The following CARF variants were observed in gnomAD, a reference collection of about 807,000 sequenced individuals.
CARF encodes calcium responsive transcription factor, also known as calcium-responsive transcription factor.
CARF carries 57 observed loss-of-function variants against 82.0 expected under a neutral mutation model. The observed-to-expected ratio is 0.70, with a 90% confidence interval of 0.56 to 0.87. CARF has a LOEUF of 0.87. Ranked by LOEUF, CARF falls within the 40% of genes least tolerant of loss-of-function variation. The probability of loss-of-function intolerance (pLI) is 0.00; values close to 1 mark genes in which losing one functional copy is unlikely to be tolerated. For missense variants in CARF, 771 were observed against 855.8 expected (o/e 0.90, Z 1.24); for synonymous variants, 268 against 290.1 (o/e 0.92, Z 0.77).
chr2:202,920,203 G>T (rs1291337756), intron 2 of CARF, among the ~76,000 whole-genome samples: 3 of 148,000 alleles, frequency 2.0e-5, no homozygotes, highest in Non-Finnish European at 3.0e-5. Flanking sequence ...CGCCCAGGCT[G>T]GAGTGCAGTA....
rs139042230 is a variant in CARF at position 202,933,451 on chromosome 2, G to A, written c.-43-8409G>A. 5.7e-3 allele frequency among the ~76,000 whole-genome samples: 870 copies of A among 152,270 alleles called. 10 individuals carry two copies. Among genetic ancestry groups the A allele is most frequent in the African/African-American group, 0.02 (814 of 41,554 alleles). ...CCAGAGAGCTTCCTCAGCTGGGCTT[G>A]GTGCCTGTGAAGACTGCAGGGAACC... is the stretch of plus-strand genomic sequence containing the variant. On this transcript the variant is annotated intron_variant, in intron 3 of 16. Coordinates refer to ENST00000438828, the MANE Select transcript of CARF (RefSeq NM_024744.17).
chr2:202,917,001 G>C (rs1689800819), intron 1 of CARF, among the ~76,000 whole-genome samples: 1 of 152,022 alleles, frequency 6.6e-6, no homozygotes, highest in African/African-American at 2.4e-5. Flanking sequence ...ACGAAGTCAG[G>C]AGATCGAGAC....
chr2:202,966,911 C>T (rs1266891859), intron 9 of CARF, 67 bp from the exon 10 acceptor site: 1 of 1,490,304 alleles, frequency 6.7e-7, no homozygotes, highest in African/African-American at 1.4e-5. Flanking sequence ...CACCAAGTTA[C>T]TTTTAATCTA....
At chr2:202,972,777 T>G (rs914926349) in intron 12 of CARF, among the ~76,000 whole-genome samples, 1 of 152,006 alleles carries the variant, frequency 6.6e-6, no homozygotes, top group African/African-American at 2.4e-5. Context: ...AGCCTTGCTC[T>G]TACTGATTAT....
chr2:202,977,025 A>G (rs1245715570), intron 13 of CARF, among the ~76,000 whole-genome samples: 1 of 151,906 alleles, frequency 6.6e-6, no homozygotes, highest in Non-Finnish European at 1.5e-5. Context: ...ATTATTCACT[A>G]TCTAAATGTT....
intron 1 of CARF, among the ~76,000 whole-genome samples, chr2:202,917,047 G>A (rs1206213394): frequency 2.6e-5 from 4 of 151,448 alleles, no homozygotes; most frequent in Non-Finnish European, 5.9e-5. Context: ...TGTCTCTACT[G>A]AAAATACAAA....
chr2:202,960,207 C>A (rs2059243801), intron 8 of CARF, among the ~76,000 whole-genome samples: 1 of 152,072 alleles, frequency 6.6e-6, no homozygotes, highest in Admixed American at 6.6e-5. Context: ...AAACCATTAA[C>A]TATTTTTGGT....
chr2:202,914,921 A>AT (rs927955721), intron 1 of CARF, among the ~76,000 whole-genome samples: 5 of 151,626 alleles, frequency 3.3e-5, no homozygotes, highest in African/African-American at 9.7e-5. Flanking sequence ...CCAGCCTTAG[A>AT]TTTTTTTTCC....
intron 5 of CARF, among the ~76,000 whole-genome samples, chr2:202,951,039 A>AT (rs1161300733): frequency 1.3e-5 from 2 of 151,710 alleles, no homozygotes; most frequent in African/African-American, 4.8e-5. Flanking sequence ...TTATATTTGC[A>AT]TTTTTTCAAA....
At chr2:202,931,824 T>C (rs147819845) in intron 3 of CARF, among the ~76,000 whole-genome samples, 11 of 151,730 alleles carry the variant, frequency 7.2e-5, no homozygotes, top group African/African-American at 1.9e-4. Flanking sequence ...TTAACCAAGA[T>C]GTCAGGTCTG....
In CARF at chr2:202,912,741, G is replaced by C. The variant is rs977532137; in HGVS notation, c.-691G>C. 3 of 151,344 alleles carry C rather than the reference G, an allele frequency of 2.0e-5. No homozygotes were observed. The highest frequency in any genetic ancestry group is 6.6e-5 in the Admixed American group (1 of 15,216). The allele number at this position is 151,344 out of a possible 1,614,324, so 9.4% of individuals were successfully genotyped here. On this transcript the variant is annotated 5_prime_UTR_variant, in exon 1 of 17. Coordinates refer to ENST00000438828, the MANE Select transcript of CARF (RefSeq NM_024744.17). ...AGCCCAAGGACGCGCCATCGCCGCG[G>C]AGAAGGAGCCGGACCCCTTGGGCGG...
At chr2:202,974,031 T>A (rs1344099318) in intron 12 of CARF, among the ~76,000 whole-genome samples, 1 of 151,606 alleles carries the variant, frequency 6.6e-6, no homozygotes, top group Non-Finnish European at 1.5e-5. Flanking sequence ...GAGGTTGCAG[T>A]GAGCCGAGAT....
chr2:202,919,367 A>G (rs962492040), intron 2 of CARF, among the ~76,000 whole-genome samples: 1 of 152,182 alleles, frequency 6.6e-6, no homozygotes, highest in Non-Finnish European at 1.5e-5. Flanking sequence ...AAAAAAATAA[A>G]ATTAGGCTAG....
intron 13 of CARF, among the ~76,000 whole-genome samples, chr2:202,976,363 C>T (rs1043625906): frequency 2.0e-5 from 3 of 151,762 alleles, no homozygotes; most frequent in Non-Finnish European, 2.9e-5. Context: ...TTATTAGAGA[C>T]GGGTTTCACC....
At chr2:202,946,006 T>A (rs1317767179) in intron 5 of CARF, among the ~76,000 whole-genome samples, 1 of 152,206 alleles carries the variant, frequency 6.6e-6, no homozygotes, top group Non-Finnish European at 1.5e-5. Context: ...ATGGCCATTC[T>A]GACTGGTGTG....
chr2:202,966,709 CAAA>C (rs928485283), intron 9 of CARF, among the ~76,000 whole-genome samples: 2 of 130,472 alleles, frequency 1.5e-5, no homozygotes, highest in African/African-American at 5.7e-5. Context: ...GACTCCGTCT[CAAA>C]AAAAAAAAAA....
At chr2:202,953,218 G>A (rs2058838032) in intron 6 of CARF, among the ~76,000 whole-genome samples, 1 of 152,048 alleles carries the variant, frequency 6.6e-6, no homozygotes, top group Non-Finnish European at 1.5e-5. Flanking sequence ...GCTTCACCAT[G>A]TTGGCCAGAC....
rs1559249475 is a variant in CARF at position 202,961,289 on chromosome 2, G to A, written c.695G>A (p.Ser232Asn). 1 of 1,614,150 alleles carries A rather than the reference G, an allele frequency of 6.2e-7. No individual in the cohort carries two copies. The highest frequency in any genetic ancestry group is 8.5e-7 in the Non-Finnish European group (1 of 1,180,012). ...TGTGTAAGTGAGACTGAATTAGAAA[G>A]TGTCCTAACATTTCACAAGCAGCAA... is the stretch of plus-strand genomic sequence containing the variant. ...GYCVSETELESVLTFHKQQTQ... is the reference protein window; with the variant it reads ...GYCVSETELENVLTFHKQQTQ... Residue 232 changes from serine (S) to asparagine (N), a missense_variant, in exon 9 of 17, where the codon AGT becomes AAT. Ser to Asn is a conservative substitution (Grantham distance 46). Transcript: ENST00000438828.
chr2:202,961,073 C>T (rs1559249047), intron 8 of CARF, among the ~76,000 whole-genome samples, 164 bp from the exon 9 acceptor site: 1 of 152,162 alleles, frequency 6.6e-6, no homozygotes, highest in Non-Finnish European at 1.5e-5. Flanking sequence ...CCTGGTTGAA[C>T]TCAAATCAGA....
Sources: allele counts gnomAD v4.1 joint callset (sites outside exome capture counted in the v4.1 genomes callset), GRCh38; gene constraint gnomAD v4.1.1; transcripts MANE v1.5; gene names NCBI Gene and HGNC (gene_info 2026-07-23, HGNC 2026-07-21).